The following RSRC1 variants were observed in gnomAD, a reference collection of about 807,000 sequenced individuals.
RSRC1 encodes arginine and serine rich coiled-coil 1, also known as serine/Arginine-related protein 53.
Under a neutral mutation model 49.1 loss-of-function variants are expected in RSRC1, and 39 were observed. That is an observed-to-expected ratio of 0.79 (90% confidence interval 0.61 to 1.04). The LOEUF (loss-of-function observed/expected upper bound fraction) is 1.04. RSRC1 is among the 50% of genes least tolerant of loss of function. The pLI, the probability that RSRC1 is intolerant of heterozygous loss-of-function variation, is 0.00. For synonymous variants in RSRC1, 143 were observed against 130.8 expected, an observed-to-expected ratio of 1.09 and a Z score of -0.63; for missense variants, 388 against 402.4, an observed-to-expected ratio of 0.96 and a Z score of 0.31.
intron 3 of RSRC1, 54 bp downstream of exon 3, chr3:158,124,045 G>A (rs753116393): frequency 5.0e-5 from 63 of 1,249,350 alleles, no homozygotes; most frequent in Non-Finnish European, 6.4e-5. Flanking sequence ...CAAATTCAGC[G>A]ATGTAAAGCA....
At chr3:158,510,310 T>C (rs931832793) in intron 7 of RSRC1, among the ~76,000 whole-genome samples, 27 of 152,340 alleles carry the variant, frequency 1.8e-4, no homozygotes, top group African/African-American at 6.5e-4. Context: ...TATCTTTTAC[T>C]AGTTCTTTGT....
chr3:158,345,357 A>G (rs1455615615), intron 5 of RSRC1, among the ~76,000 whole-genome samples: 6 of 152,202 alleles, frequency 3.9e-5, no homozygotes, highest in Non-Finnish European at 8.8e-5. Context: ...ATTGTATAAT[A>G]AAGCAAGATC....
intron 3 of RSRC1, among the ~76,000 whole-genome samples, chr3:158,180,719 C>T (rs952076333): frequency 1.3e-5 from 2 of 151,104 alleles, no homozygotes; most frequent in African/African-American, 2.4e-5. Context: ...TCGCCTGCCT[C>T]GGCCTCCCAA....
chr3:158,426,660 A>T (rs1446766071), intron 6 of RSRC1, among the ~76,000 whole-genome samples: 5 of 151,822 alleles, frequency 3.3e-5, no homozygotes, highest in Non-Finnish European at 7.4e-5. Context: ...TTTTTAAAAA[A>T]AATTGAAAAG....
At chr3:158,427,307 T>A (rs1189716420) in intron 6 of RSRC1, among the ~76,000 whole-genome samples, 2 of 151,832 alleles carry the variant, frequency 1.3e-5, no homozygotes, top group African/African-American at 4.8e-5. Flanking sequence ...AGTGTGTTTT[T>A]AGATGGGAAG....
chr3:158,253,045 G>A (rs1578246723), intron 4 of RSRC1, among the ~76,000 whole-genome samples: 2 of 112,880 alleles, frequency 1.8e-5, no homozygotes, highest in Non-Finnish European at 3.6e-5. Context: ...TTCTTTCATT[G>A]ATTTTTTTTG....
rs1722682199 is a variant in RSRC1 at position 158,228,865 on chromosome 3, A to ATGTATATAAACACATACATGTATATG, written c.494+25637_494+25638insATGTATATGTGTATATAAACACATAC. ...TATATAAACACACATACGTGTATAT[A>ATGTATATAAACACATACATGTATATG]TGTATATAAACACATACGTGTAATG... On this transcript the variant is annotated intron_variant, in intron 4 of 9. Coordinates refer to ENST00000611884, the MANE Select transcript of RSRC1 (RefSeq NM_001271838.2). 3.3e-5 allele frequency among the ~76,000 whole-genome samples: 2 copies of ATGTATATAAACACATACATGTATATG among 60,012 alleles called. 1 individual carries two copies. The highest frequency in any genetic ancestry group is 1.6e-4 in the African/African-American group (2 of 12,290). The allele number at this position is 60,012 out of a possible 152,430, so 39.4% of individuals were successfully genotyped here.
chr3:158,192,115 C>T (rs1236175837), intron 3 of RSRC1, among the ~76,000 whole-genome samples: 1 of 151,896 alleles, frequency 6.6e-6, no homozygotes, highest in Non-Finnish European at 1.5e-5. Context: ...AATCTATAAG[C>T]ATGATTAAGA....
chr3:158,430,794 G>A lies in RSRC1; in HGVS notation c.584-30141G>A, dbSNP rs146742725. On this transcript the variant is annotated intron_variant, in intron 6 of 9. Transcript: ENST00000611884. ...ACCACAGTACCTGGTACAGTATATAGTATGTGCTTAACCAATATTTTTTGA... is the reference window on the plus strand; with the variant it reads ...ACCACAGTACCTGGTACAGTATATAATATGTGCTTAACCAATATTTTTTGA... Among the ~76,000 whole-genome samples, 171 of 152,016 alleles carry A rather than the reference G, an allele frequency of 1.1e-3. 1 individual carries two copies. Among genetic ancestry groups the A allele is most frequent in the African/African-American group, 4.0e-3 (166 of 41,520 alleles).
intron 3 of RSRC1, among the ~76,000 whole-genome samples, chr3:158,184,024 A>G (rs1719783242): frequency 6.6e-6 from 1 of 152,162 alleles, no homozygotes; most frequent in African/African-American, 2.4e-5. Context: ...GTTGTTTCCA[A>G]TAGTATAAAA....
intron 7 of RSRC1, among the ~76,000 whole-genome samples, chr3:158,514,587 T>A (rs1560071950): frequency 1.3e-5 from 2 of 152,128 alleles, no homozygotes; most frequent in Non-Finnish European, 2.9e-5. Flanking sequence ...AAAAAATGTA[T>A]ATTCTGTTGA....
rs370796084 is a variant in RSRC1, at chr3:158,404,066, A to G, written c.583+49158A>G. On this transcript the variant is annotated intron_variant, in intron 6 of 9. Coordinates refer to ENST00000611884, the MANE Select transcript of RSRC1 (RefSeq NM_001271838.2). ...AACATTTTTCTTTAAAGACAAATCC[A>G]TTATAGTCCTTGGGGGTGACAGCTT... 8.6e-5 allele frequency among the ~76,000 whole-genome samples: 13 copies of G among 152,024 alleles called. No individual in the cohort carries two copies. In the East Asian group the frequency reaches 2.3e-3, roughly 27 times the overall value.
chr3:158,458,483 C>T (rs958224160), intron 6 of RSRC1, among the ~76,000 whole-genome samples: 4 of 152,030 alleles, frequency 2.6e-5, no homozygotes, highest in African/African-American at 9.7e-5. Context: ...AGCAAAACAA[C>T]AGAGGAAGTA....
intron 5 of RSRC1, among the ~76,000 whole-genome samples, chr3:158,306,516 T>G (rs1376524908): frequency 6.6e-6 from 1 of 151,884 alleles, no homozygotes; most frequent in African/African-American, 2.4e-5. Flanking sequence ...TCAACTTTAT[T>G]TTTACTTTGG....
At chr3:158,415,638 C>A (rs1734701473) in intron 6 of RSRC1, among the ~76,000 whole-genome samples, 1 of 151,786 alleles carries the variant, frequency 6.6e-6, no homozygotes, top group African/African-American at 2.4e-5. Context: ...TTAAATAATT[C>A]TTATTAATTA....
intron 3 of RSRC1, among the ~76,000 whole-genome samples, chr3:158,125,990 C>T (rs1715600765): frequency 6.6e-6 from 1 of 151,914 alleles, no homozygotes; most frequent in Non-Finnish European, 1.5e-5. Flanking sequence ...GACTTAAAGT[C>T]TATTTTGTCT....
At chr3:158,325,162 C>G (rs1166826527) in intron 5 of RSRC1, among the ~76,000 whole-genome samples, 1 of 151,982 alleles carries the variant, frequency 6.6e-6, no homozygotes, top group Non-Finnish European at 1.5e-5. Context: ...GAAAAATTTT[C>G]TCCCATTCTG....
rs181978512 is a variant in RSRC1, at chr3:158,526,289, G to A, written c.653-10803G>A. ...CTATTAATCATGTAAGGTTATCAAA[G>A]ATTGAAAGGCTACAGAGCAGCCTAG... On this transcript the variant is annotated intron_variant, in intron 7 of 9. Coordinates refer to ENST00000611884, the MANE Select transcript of RSRC1 (RefSeq NM_001271838.2). Among the ~76,000 whole-genome samples the A allele has an allele frequency of 2.6e-5, 4 of 152,094 alleles. No homozygotes were observed. The East Asian group carries it at 7.7e-4, about 29-fold the overall frequency.
At chr3:158,241,025 A>T (rs1207616203) in intron 4 of RSRC1, among the ~76,000 whole-genome samples, 1 of 152,184 alleles carries the variant, frequency 6.6e-6, no homozygotes, top group Admixed American at 6.5e-5. Context: ...CTAATGTATA[A>T]ACTAAACTTT....
Sources: gnomAD v4.1 joint callset for allele counts (sites outside exome capture counted in the v4.1 genomes callset) on GRCh38, gnomAD v4.1.1 for gene constraint, MANE v1.5 for transcripts, NCBI Gene and HGNC (gene_info 2026-07-23, HGNC 2026-07-21) for gene names.